SPATA6: variants seen among roughly 807,000 people sequenced by gnomAD.
The protein encoded by SPATA6 is spermatogenesis-associated protein 6.
A neutral mutation model predicts 65.3 loss-of-function variants in SPATA6; 56 were observed. The observed-to-expected ratio is 0.86, with a 90% confidence interval of 0.69 to 1.07. SPATA6 has a LOEUF of 1.07. SPATA6 is among the 50% of genes least tolerant of loss of function. SPATA6 has a pLI of 0.00. For synonymous variants in SPATA6, 199 were observed against 213.2 expected (o/e 0.93, Z 0.58); for missense variants, 590 against 594.8 (o/e 0.99, Z 0.08).
intron 10 of SPATA6, among the ~76,000 whole-genome samples, chr1:48,356,545 G>T (rs1322722261): frequency 7.9e-5 from 10 of 126,498 alleles, no homozygotes; most frequent in African/African-American, 3.1e-4. Flanking sequence ...ACGGAGTCTC[G>T]CTCTGTCACC....
chr1:48,363,146 T>C (rs1429732424), intron 9 of SPATA6, among the ~76,000 whole-genome samples: 1 of 152,262 alleles, frequency 6.6e-6, no homozygotes, highest in East Asian at 1.9e-4. Flanking sequence ...GTATATGTTT[T>C]GTAAAGTCTT....
chr1:48,266,916 G>A, the SPATA6 span, among the ~76,000 whole-genome samples: 1 of 152,064 alleles, frequency 6.6e-6, no homozygotes, highest in Non-Finnish European at 1.5e-5. Flanking sequence ...TTTTCTATCC[G>A]TTAGGAATAT....
chr1:48,469,800 T>C (rs1165248411), intron 1 of SPATA6, among the ~76,000 whole-genome samples: 1 of 149,006 alleles, frequency 6.7e-6, no homozygotes, highest in Admixed American at 6.6e-5. Flanking sequence ...GCTAGTGGGG[T>C]TTTTTTTGTG....
Position 48,305,941 on chromosome 1 carries a change from T to A in SPATA6, c.1195-63A>T, listed in dbSNP as rs1352414438. On this transcript the variant is annotated intron_variant, in intron 11 of 12. Transcript: ENST00000371847. The stretch of plus-strand genomic sequence containing the variant: ...CATTGTCCCCAAAATGATGCATATG[T>A]TTCTTCATAAAATGCTCTTCCCCTC... 3 of 1,258,988 alleles carry A rather than the reference T, an allele frequency of 2.4e-6. No individual in the cohort carries two copies. The Admixed American group carries it at 5.9e-5, about 25-fold the overall frequency. The allele number at this position is 1,258,988 out of a possible 1,614,324, so 78.0% of individuals were successfully genotyped here.
At position 48,385,322 on chromosome 1, in the gene SPATA6, G is replaced by C. The variant is rs1649347526; in HGVS notation, c.896C>G (p.Pro299Arg). ...CATTCTACACACCTTATAATCCTTG[G>C]GTCGGCAGCAGCCAAGATGAGAATG... ...NDHSHLGCCRPKDYKVIRTPH... is the reference protein window; with the variant it reads ...NDHSHLGCCRRKDYKVIRTPH... Residue 299 changes from proline to arginine, a missense_variant, in exon 9 of 13, where the codon CCC (proline) becomes CGC (arginine). Transcript: ENST00000371847. 1 of 1,605,248 alleles carries C rather than the reference G, an allele frequency of 6.2e-7. No individual in the cohort carries two copies. The highest frequency in any genetic ancestry group is 8.5e-7 in the Non-Finnish European group (1 of 1,176,754).
chr1:48,449,020 T>C (rs1185525851), intron 3 of SPATA6, among the ~76,000 whole-genome samples: 1 of 152,118 alleles, frequency 6.6e-6, no homozygotes, highest in Non-Finnish European at 1.5e-5. Flanking sequence ...AATGGGTGAA[T>C]TTTATGATAT....
intron 3 of SPATA6, among the ~76,000 whole-genome samples, chr1:48,451,301 A>G (rs1656548894): frequency 6.6e-6 from 1 of 152,184 alleles, no homozygotes; most frequent in African/African-American, 2.4e-5. Context: ...AAAAGCTTAA[A>G]TAAGTCTCTG....
intron 11 of SPATA6, among the ~76,000 whole-genome samples, chr1:48,323,616 GA>G (rs34150171): frequency 0.17 from 18,162 of 105,194 alleles, 1,719 homozygotes; most frequent in African/African-American, 0.31. Flanking sequence ...CACAACAACA[GA>G]AAAAAAAAAA....
intron 11 of SPATA6, among the ~76,000 whole-genome samples, chr1:48,339,017 A>C (rs1432512683): frequency 6.6e-6 from 1 of 152,048 alleles, no homozygotes; most frequent in Non-Finnish European, 1.5e-5. Context: ...ATGCAGAGAC[A>C]CAGTGACAAA....
In SPATA6 at chr1:48,399,517, T is replaced by G. The variant is rs765877651; in HGVS notation, c.614A>C (p.Asn205Thr). 3 of 1,613,220 alleles carry G rather than the reference T, an allele frequency of 1.9e-6. No individual in the cohort carries two copies. In the South Asian group the frequency reaches 3.3e-5, roughly 18 times the overall value. The change falls in exon 7 of 13, where the codon AAC (asparagine) becomes ACC (threonine). Residue 205 changes from asparagine (N) to threonine (T), a missense_variant. Transcript: ENST00000371847. ...ERSKYCINAK[N>T]YEQPTISSKS... ...TGAAGAAATTGTAGGCTGTTCGTAG[T>G]TTTTTGCATTTATACAGTATTTACT...
At position 48,298,804 on chromosome 1, in the gene SPATA6, C is replaced by T. The variant is rs144278281; in HGVS notation, c.1376G>A (p.Arg459Gln). Residue 459 changes from arginine to glutamine, a missense_variant, in exon 13 of 13, where the codon CGA becomes CAA. Physicochemically the swap from Arg to Gln is conservative, Grantham distance 43 (BLOSUM62 1). Transcript: ENST00000371847. ...GTCCATGCTGTTCTCAAAGATGGGT[C>T]GGTGGGATTTTCCCTTATAAGAGGC... ...RAASYKGKSHRPIFENSMDKM... is the reference protein window; with the variant it reads ...RAASYKGKSHQPIFENSMDKM... 1.4e-5 allele frequency: 23 copies of T among 1,613,770 alleles called. No homozygotes were observed. The South Asian group carries it at 1.8e-4, about 12-fold the overall frequency.
the SPATA6 span, among the ~76,000 whole-genome samples, chr1:48,288,000 T>G: frequency 3.9e-5 from 6 of 152,224 alleles, no homozygotes; most frequent in Non-Finnish European, 4.4e-5. Flanking sequence ...TTGTTTAAAG[T>G]TTTTATCATA....
intron 11 of SPATA6, among the ~76,000 whole-genome samples, chr1:48,332,126 G>A (rs1468280489): frequency 7.2e-5 from 11 of 152,136 alleles, no homozygotes; most frequent in Non-Finnish European, 1.5e-4. Context: ...CTACAAAAAC[G>A]CATGTAAGTA....
chr1:48,419,420 AGACAG>A (rs1454784512), intron 3 of SPATA6, among the ~76,000 whole-genome samples: 4 of 152,216 alleles, frequency 2.6e-5, no homozygotes, highest in Non-Finnish European at 4.4e-5. Flanking sequence ...ACAAGGATGA[AGACAG>A]GAAATATTTC....
In SPATA6 at chr1:48,402,588, A is replaced by C. The variant is rs181108331; in HGVS notation, c.486+1214T>G. 13 of 152,330 alleles carry C rather than the reference A, an allele frequency of 8.5e-5. No individual in the cohort carries two copies. In the East Asian group the frequency reaches 2.5e-3, roughly 29 times the overall value. The allele number at this position is 152,330 out of a possible 1,614,324, so 9.4% of individuals were successfully genotyped here. On this transcript the variant is annotated intron_variant, in intron 6 of 12. Coordinates refer to ENST00000371847, the MANE Select transcript of SPATA6 (RefSeq NM_019073.4). ...ACTCTGAATTATTAAATATCTTTCT[A>C]AATAAAATAAGAATGTTCCCCTCAA...
At chr1:48,320,833 A>T (rs1407291412) in intron 11 of SPATA6, among the ~76,000 whole-genome samples, 3 of 152,204 alleles carry the variant, frequency 2.0e-5, no homozygotes, top group African/African-American at 7.2e-5. Flanking sequence ...GTAAAGTAAG[A>T]TAAAAATAGG....
chr1:48,376,858 C>A (rs760036942), intron 9 of SPATA6, among the ~76,000 whole-genome samples: 18 of 152,004 alleles, frequency 1.2e-4, no homozygotes, highest in Non-Finnish European at 2.2e-4. Flanking sequence ...ATGCTGTAAG[C>A]AATTTTAACA....
At chr1:48,325,418 C>A in intron 11 of SPATA6, 1 of 1,340,742 alleles carries the variant, frequency 7.5e-7, no homozygotes, top group South Asian at 1.2e-5. Flanking sequence ...CCTCCCCCAG[C>A]TTCTTCTTGA....
intron 5 of SPATA6, among the ~76,000 whole-genome samples, chr1:48,405,911 G>T (rs142114737): frequency 6.6e-6 from 1 of 152,144 alleles, no homozygotes; most frequent in Non-Finnish European, 1.5e-5. Flanking sequence ...AAAAAGAAAA[G>T]AATTAAAGTC....
Sources: allele counts gnomAD v4.1 joint callset (sites outside exome capture counted in the v4.1 genomes callset), GRCh38; gene constraint gnomAD v4.1.1; transcripts MANE v1.5; gene names NCBI Gene and HGNC (gene_info 2026-07-23, HGNC 2026-07-21).